Variants in FUT8 observed in about 807,000 individuals in gnomAD.
FUT8 encodes the protein alpha-(1,6)-fucosyltransferase.
In FUT8, 29 loss-of-function variants were observed where a neutral mutation model predicts 71.3. The ratio of observed to expected loss-of-function variants is 0.41; its 90% CI spans 0.30 to 0.55. FUT8 has a LOEUF of 0.55. FUT8 is among the 20% of genes least tolerant of loss of function. FUT8 has a pLI of 0.34. For synonymous variants in FUT8, 254 were observed against 239.3 expected, an observed-to-expected ratio of 1.06 and a Z score of -0.57; for missense variants, 544 against 702.1, an observed-to-expected ratio of 0.77 and a Z score of 2.55.
intron 2 of FUT8, among the ~76,000 whole-genome samples, chr14:65,551,057 G>A (rs1162765006): frequency 1.3e-5 from 2 of 152,116 alleles, no homozygotes; most frequent in East Asian, 1.9e-4. Context: ...CCTTTGCATA[G>A]GGTACACATA....
In FUT8 at chr14:65,652,697, G is replaced by A. The variant is rs1891467921; in HGVS notation, c.598-16546G>A. 6.6e-6 allele frequency among the ~76,000 whole-genome samples: 1 copy of A among 151,960 alleles called. No homozygotes were observed. Among genetic ancestry groups the A allele is most frequent in the South Asian group, 2.1e-4 (1 of 4,818 alleles). Reference sequence around the variant, plus strand: ...GTCTTAACTGATGCACAAGCCAGGTGCCTGACACAATGGGGGTCAATATGT... The same window carrying A: ...GTCTTAACTGATGCACAAGCCAGGTACCTGACACAATGGGGGTCAATATGT... On this transcript the variant is annotated intron_variant, in intron 6 of 10. Coordinates refer to ENST00000673929, the MANE Select transcript of FUT8 (RefSeq NM_001371533.1). The surrounding 1 kb of genome is among the most constrained non-coding windows in gnomAD (Gnocchi z 4.0).
intron 2 of FUT8, among the ~76,000 whole-genome samples, chr14:65,543,882 G>A (rs1317972597): frequency 6.6e-6 from 1 of 152,182 alleles, no homozygotes; most frequent in African/African-American, 2.4e-5. Context: ...CTACCAGGAA[G>A]AAAGTTAGCT....
At position 65,676,034 on chromosome 14, in the gene FUT8, A is replaced by C. The variant is rs1156865234; in HGVS notation, c.835+6554A>C. Among the ~76,000 whole-genome samples the C allele has an allele frequency of 2.0e-5, 3 of 152,148 alleles. No homozygotes were observed. In the East Asian group the frequency reaches 5.8e-4, roughly 29 times the overall value. On this transcript the variant is annotated intron_variant, in intron 7 of 10. Coordinates refer to ENST00000673929, the MANE Select transcript of FUT8 (RefSeq NM_001371533.1). ...TAAACAAAAAATAAATGTAATAAAC[A>C]AAACCTGTCTCCCCAGATCCCCATC... is the stretch of plus-strand genomic sequence containing the variant.
At chr14:65,557,766 A>C (rs1311540446) in intron 2 of FUT8, among the ~76,000 whole-genome samples, 1 of 152,152 alleles carries the variant, frequency 6.6e-6, no homozygotes, top group Non-Finnish European at 1.5e-5. Flanking sequence ...AAGTAGTAAT[A>C]AATTTATAAA....
intron 6 of FUT8, among the ~76,000 whole-genome samples, chr14:65,653,412 A>G (rs976329163): frequency 6.6e-6 from 1 of 152,184 alleles, no homozygotes. Context: ...TGATACCTTT[A>G]TAAAGATATG....
intron 2 of FUT8, among the ~76,000 whole-genome samples, chr14:65,469,803 C>T (rs2066109064): frequency 1.3e-5 from 2 of 152,206 alleles, no homozygotes; most frequent in African/African-American, 2.4e-5. Flanking sequence ...CTGGCCTCTG[C>T]CCTGCTCTGG....
intron 3 of FUT8, among the ~76,000 whole-genome samples, chr14:65,614,107 G>T (rs1486518521): frequency 1.0e-5 from 1 of 95,912 alleles, no homozygotes; most frequent in Non-Finnish European, 2.2e-5. Context: ...AATCGAGACT[G>T]TGTCAAAAAA....
At chr14:65,690,131 G>C (rs1430162405) in intron 7 of FUT8, among the ~76,000 whole-genome samples, 5 of 152,246 alleles carry the variant, frequency 3.3e-5, no homozygotes, top group African/African-American at 1.2e-4. Context: ...ACCATTTGTT[G>C]AAATACTATC....
chr14:65,379,074 T>C, the FUT8 span, among the ~76,000 whole-genome samples: 1 of 151,894 alleles, frequency 6.6e-6, no homozygotes, highest in South Asian at 2.1e-4. Flanking sequence ...CTCGAACTCC[T>C]AACCTCAGGT....
chr14:65,372,206 G>A, the FUT8 span, among the ~76,000 whole-genome samples: 3 of 152,078 alleles, frequency 2.0e-5, no homozygotes, highest in Non-Finnish European at 2.9e-5. Context: ...GACCTCTGAT[G>A]CCTTGTGCTG....
the FUT8 span, among the ~76,000 whole-genome samples, chr14:65,374,087 C>T: frequency 1.3e-5 from 2 of 152,206 alleles, no homozygotes; most frequent in East Asian, 1.9e-4. Context: ...TTCTCAGACT[C>T]GTTGATCTGT....
At chr14:65,740,350 GC>G (rs1389845599) in intron 10 of FUT8, among the ~76,000 whole-genome samples, 2 of 151,580 alleles carry the variant, frequency 1.3e-5, no homozygotes, top group African/African-American at 4.8e-5. Flanking sequence ...AGTTTCATTT[GC>G]AAATTATATA....
At chr14:65,463,769 G>A (rs138586610) in intron 2 of FUT8, among the ~76,000 whole-genome samples, 1 of 152,124 alleles carries the variant, frequency 6.6e-6, no homozygotes, top group Non-Finnish European at 1.5e-5. Flanking sequence ...TTTGGAGTCA[G>A]TATACTTATA....
the FUT8 span, among the ~76,000 whole-genome samples, chr14:65,400,499 G>A: frequency 2.0e-5 from 3 of 152,208 alleles, no homozygotes; most frequent in East Asian, 1.9e-4. Flanking sequence ...AGGGGTATAC[G>A]ACTTCTGTTG....
the FUT8 span, among the ~76,000 whole-genome samples, chr14:65,378,303 A>C: frequency 1.3e-5 from 2 of 152,226 alleles, no homozygotes; most frequent in Non-Finnish European, 2.9e-5. Flanking sequence ...AATCTTCTTT[A>C]ACCCGAGGCA....
rs770191669 is a variant in FUT8 at position 65,558,344 on chromosome 14, ACT to A, written c.-227-2988_-227-2987del. ...GAGACTCAAAAAAAAAAAAAAAAAG[ACT>A]CTCTTGGTCTTTTAGGCCAATTAAA... On this transcript the variant is annotated intron_variant, in intron 2 of 10. Coordinates refer to ENST00000673929, the MANE Select transcript of FUT8 (RefSeq NM_001371533.1). 1.1e-3 allele frequency among the ~76,000 whole-genome samples: 161 copies of A among 145,428 alleles called. 2 individuals are homozygous for A. The highest frequency in any genetic ancestry group is 2.5e-3 in the Admixed American group (37 of 14,556).
At chr14:65,408,971 A>G (rs916973554), upstream of FUT8, among the ~76,000 whole-genome samples, 4 of 152,218 alleles carry the variant, frequency 2.6e-5, no homozygotes, top group African/African-American at 9.6e-5. Flanking sequence ...AAATGAAAAT[A>G]TAGACTTTTT....
At chr14:65,419,058 A>G (rs2065257092) in intron 1 of FUT8, among the ~76,000 whole-genome samples, 1 of 152,158 alleles carries the variant, frequency 6.6e-6, no homozygotes, top group Non-Finnish European at 1.5e-5. Context: ...GAGAAACCTC[A>G]TCTTTACTAA....
upstream of FUT8, among the ~76,000 whole-genome samples, chr14:65,406,446 A>G (rs1267613303): frequency 6.6e-6 from 1 of 152,202 alleles, no homozygotes; most frequent in African/African-American, 2.4e-5. Context: ...AGTCAACCGC[A>G]AGGAGACAGG....
Sources: gnomAD v4.1 joint callset for allele counts (sites outside exome capture counted in the v4.1 genomes callset) on GRCh38, gnomAD v4.1.1 for gene constraint, Gnocchi (gnomAD v3.1) non-coding constraint, MANE v1.5 for transcripts, NCBI Gene and HGNC (gene_info 2026-07-23, HGNC 2026-07-21) for gene names.